ADAMTS2: variants seen among roughly 807,000 people sequenced by gnomAD.
ADAMTS2 encodes A disintegrin and metalloproteinase with thrombospondin motifs 2.
ADAMTS2 carries 50 observed loss-of-function variants against 123.0 expected under a neutral mutation model. That is an observed-to-expected ratio of 0.41 (90% CI 0.32 to 0.51). ADAMTS2 has a LOEUF of 0.51. ADAMTS2 is among the 20% of genes least tolerant of loss of function. The pLI is 0.35. For missense variants in ADAMTS2, 1,494 were observed against 1,705.2 expected (o/e 0.88, Z 2.18); for synonymous variants, 678 against 695.4 (o/e 0.98, Z 0.39).
chr5:179,328,925 C>A (rs948254034), intron 2 of ADAMTS2, among the ~76,000 whole-genome samples: 1 of 152,134 alleles, frequency 6.6e-6, no homozygotes, highest in African/African-American at 2.4e-5. Context: ...AAAGGGGACA[C>A]TACTTTAGGC....
At chr5:179,267,728 C>G (rs1428830893) in intron 3 of ADAMTS2, among the ~76,000 whole-genome samples, 1 of 152,198 alleles carries the variant, frequency 6.6e-6, no homozygotes, top group Non-Finnish European at 1.5e-5. Context: ...CCAGGCATGA[C>G]AGCTCCCACT....
intron 3 of ADAMTS2, among the ~76,000 whole-genome samples, chr5:179,218,043 A>C (rs1363259978): frequency 1.3e-5 from 2 of 152,208 alleles, no homozygotes; most frequent in African/African-American, 4.8e-5. Context: ...CGTAAGTCCT[A>C]ATGACCGCCC....
intron 3 of ADAMTS2, among the ~76,000 whole-genome samples, chr5:179,232,218 G>A (rs1478722482): frequency 3.3e-5 from 5 of 152,178 alleles, no homozygotes; most frequent in Admixed American, 6.5e-5. Flanking sequence ...ACCTGTGTGC[G>A]GCTGTTACAT....
Position 179,162,214 on chromosome 5 carries a change from A to C in ADAMTS2, c.976-3335T>G, listed in dbSNP as rs995682986. ...GCCTGCCCTTGTTTCCCTTTCGTGA[A>C]ACTTCCCCTCCTTTAATCTGAGTCA... On this transcript the variant is annotated intron_variant, in intron 5 of 21. Transcript: ENST00000251582. The surrounding 1 kb of genome is among the most constrained non-coding windows in gnomAD (Gnocchi z 5.1). Among the ~76,000 whole-genome samples the C allele has an allele frequency of 1.3e-5, 2 of 152,022 alleles. No individual in the cohort carries two copies. The highest frequency in any genetic ancestry group is 2.9e-5 in the Non-Finnish European group (2 of 68,010).
chr5:179,159,021 A>G (rs1042360975), intron 5 of ADAMTS2, 142 bp from the exon 6 acceptor site: 12 of 1,116,302 alleles, frequency 1.1e-5, no homozygotes, highest in African/African-American at 3.1e-5. Flanking sequence ...GGTCACTCTC[A>G]GGACCTGCTC....
intron 2 of ADAMTS2, among the ~76,000 whole-genome samples, chr5:179,273,566 A>AAGC (rs1474390909): frequency 6.6e-6 from 1 of 152,158 alleles, no homozygotes; most frequent in Non-Finnish European, 1.5e-5. Flanking sequence ...TAAAGCTCTG[A>AAGC]AGCTAACACT....
chr5:179,306,373 A>C (rs1199652846), intron 2 of ADAMTS2, among the ~76,000 whole-genome samples: 2 of 152,244 alleles, frequency 1.3e-5, no homozygotes, highest in Non-Finnish European at 2.9e-5. Flanking sequence ...AAATATGCTT[A>C]TATCAAGTGA....
At chr5:179,268,223 C>T (rs1766425629) in intron 3 of ADAMTS2, among the ~76,000 whole-genome samples, 1 of 152,122 alleles carries the variant, frequency 6.6e-6, no homozygotes, top group South Asian at 2.1e-4. Flanking sequence ...CGCCCTGTGC[C>T]CATGGCAAGG....
Position 179,307,196 on chromosome 5 carries a change from C to A in ADAMTS2, c.535-34132G>T, listed in dbSNP as rs1284516482. On this transcript the variant is annotated intron_variant, in intron 2 of 21. Transcript: ENST00000251582. This position sits in a 1 kb window ranked among gnomAD's most constrained non-coding sequence, Gnocchi z 5.6. ...CCCGCACTGCAGAGCTGCCCCGGCCCACGCGCCCCTGCCCTGCTGTGCTCC... is the reference window on the plus strand; with the variant it reads ...CCCGCACTGCAGAGCTGCCCCGGCCAACGCGCCCCTGCCCTGCTGTGCTCC... Among the ~76,000 whole-genome samples, 2 of 152,236 alleles carry A rather than the reference C, an allele frequency of 1.3e-5. No individual in the cohort carries two copies. Among genetic ancestry groups the A allele is most frequent in the Non-Finnish European group, 2.9e-5 (2 of 68,042 alleles).
intron 3 of ADAMTS2, among the ~76,000 whole-genome samples, chr5:179,231,458 G>C (rs924478659): frequency 1.1e-4 from 16 of 152,188 alleles, no homozygotes; most frequent in African/African-American, 3.9e-4. Flanking sequence ...GAAACCGTGG[G>C]AGAAGACGAG....
In ADAMTS2 at chr5:179,128,188, C is replaced by T. The variant is rs919527889; in HGVS notation, c.2458-70G>A. ...GCTTCCTCCCCAGCCAGCTTAGGAA[C>T]GGCAGCTGAGGCCGACTCCAGAGGA... is the stretch of plus-strand genomic sequence containing the variant. On this transcript the variant is annotated intron_variant, in intron 16 of 21. Transcript: ENST00000251582. This position sits in a 1 kb window ranked among gnomAD's most constrained non-coding sequence, Gnocchi z 4.9. The T allele has an allele frequency of 5.4e-5, 86 of 1,593,556 alleles. No homozygotes were observed. Among genetic ancestry groups the T allele is most frequent in the South Asian group, 3.7e-4 (33 of 90,090 alleles).
rs192669316 is a variant in ADAMTS2 at position 179,242,262 on chromosome 5, G to T, written c.688+30649C>A. Among the ~76,000 whole-genome samples, 1 of 152,296 alleles carries T rather than the reference G, an allele frequency of 6.6e-6. No individual in the cohort carries two copies. Among genetic ancestry groups the T allele is most frequent in the Non-Finnish European group, 1.5e-5 (1 of 68,028 alleles). The stretch of plus-strand genomic sequence containing the variant: ...CTTGGCAGCCTCGTGTGGGCCAGCG[G>T]TGCCTGCTGTCTTGCTCGCGTGTGC... On this transcript the variant is annotated intron_variant, in intron 3 of 21. Transcript: ENST00000251582. The surrounding 1 kb of genome is among the most constrained non-coding windows in gnomAD (Gnocchi z 4.2).
chr5:179,244,565 C>T (rs1320606090), intron 3 of ADAMTS2, among the ~76,000 whole-genome samples: 3 of 152,314 alleles, frequency 2.0e-5, no homozygotes, highest in Middle Eastern at 3.4e-3. Flanking sequence ...CACCCACACA[C>T]ATACAGTACC....
chr5:179,119,936 T>C (rs892342940), intron 21 of ADAMTS2, among the ~76,000 whole-genome samples: 1 of 151,934 alleles, frequency 6.6e-6, no homozygotes, highest in Non-Finnish European at 1.5e-5. Context: ...AAACCCGGAG[T>C]CACGGTGGGG....
rs10041124 is a variant in ADAMTS2 at position 179,289,252 on chromosome 5, G to T, written c.535-16188C>A. On this transcript the variant is annotated intron_variant, in intron 2 of 21. Transcript: ENST00000251582. ...GGTGCTTTCGGTGGTCAAATCTGGG[G>T]CAATTTGAACACAATAATAAATGAT... Among the ~76,000 whole-genome samples, 1,064 of 152,230 alleles carry T rather than the reference G, an allele frequency of 7.0e-3. 4 individuals are homozygous for T. Among genetic ancestry groups the T allele is most frequent in the African/African-American group, 0.024 (999 of 41,516 alleles).
chr5:179,145,494 A>G (rs1002714687), intron 10 of ADAMTS2, among the ~76,000 whole-genome samples: 7 of 152,260 alleles, frequency 4.6e-5, no homozygotes, highest in African/African-American at 1.4e-4. Flanking sequence ...TAAATGATGA[A>G]TACCCACACA....
intron 10 of ADAMTS2, among the ~76,000 whole-genome samples, chr5:179,140,389 C>A (rs1763143076): frequency 6.6e-6 from 1 of 152,194 alleles, no homozygotes; most frequent in Non-Finnish European, 1.5e-5. Context: ...ATACCACTGG[C>A]CTATCAGGCC....
intron 2 of ADAMTS2, among the ~76,000 whole-genome samples, chr5:179,316,974 T>A (rs1348878710): frequency 6.6e-6 from 1 of 151,198 alleles, no homozygotes; most frequent in Non-Finnish European, 1.5e-5. Flanking sequence ...TTAAAAAGAA[T>A]ACACAGTGGT....
At chr5:179,167,930 T>TACCCGCTGGG (rs1360701116) in intron 5 of ADAMTS2, among the ~76,000 whole-genome samples, 11 of 152,178 alleles carry the variant, frequency 7.2e-5, no homozygotes, top group Non-Finnish European at 1.5e-5. Flanking sequence ...GGGACTGGCC[T>TACCCGCTGGG]ACCCGCTGGG....
Sources: gnomAD v4.1 joint callset for allele counts (sites outside exome capture counted in the v4.1 genomes callset) on GRCh38, gnomAD v4.1.1 for gene constraint, Gnocchi (gnomAD v3.1) non-coding constraint, MANE v1.5 for transcripts, NCBI Gene and HGNC (gene_info 2026-07-23, HGNC 2026-07-21) for gene names.